The following MICAL2 variants were observed in gnomAD, a reference collection of about 807,000 sequenced individuals.
MICAL2 encodes microtubule associated monooxygenase, calponin and LIM domain containing 2, also known as [F-actin]-monooxygenase MICAL2.
MICAL2 carries 77 observed loss-of-function variants against 127.3 expected under a neutral mutation model. The observed-to-expected ratio is 0.60, with a 90% CI of 0.50 to 0.73. MICAL2 has a LOEUF of 0.73. MICAL2 is among the 30% of genes least tolerant of loss of function. The pLI is 0.00. For missense variants in MICAL2, 1,351 were observed against 1,434.4 expected (o/e 0.94, Z 0.94); for synonymous variants, 570 against 551.1 (o/e 1.03, Z -0.48).
At chr11:12,176,030 G>A (rs1215815061) in intron 3 of MICAL2, among the ~76,000 whole-genome samples, 1 of 152,128 alleles carries the variant, frequency 6.6e-6, no homozygotes, top group African/African-American at 2.4e-5. Flanking sequence ...GAAATCTTGG[G>A]GATGAAAAAC....
At chr11:12,328,536 G>A (rs539382329) in intron 32 of MICAL2, among the ~76,000 whole-genome samples, 2 of 152,272 alleles carry the variant, frequency 1.3e-5, no homozygotes, top group East Asian at 3.9e-4. Context: ...AGCTAGTGAA[G>A]GGTTTTCAGG....
At chr11:12,333,683 G>A (rs1938691153) in intron 32 of MICAL2, among the ~76,000 whole-genome samples, 1 of 152,050 alleles carries the variant, frequency 6.6e-6, no homozygotes, top group African/African-American at 2.4e-5. Context: ...AACAGTGACT[G>A]GATATAAGCT....
intron 1 of MICAL2, among the ~76,000 whole-genome samples, chr11:12,134,333 G>GA (rs1345795177): frequency 6.6e-6 from 1 of 152,168 alleles, no homozygotes; most frequent in African/African-American, 2.4e-5. Flanking sequence ...CAAAGTCAAT[G>GA]AAAATCAGCT....
chr11:12,220,547 G>T (rs1035768159), intron 9 of MICAL2, 89 bp downstream of exon 9: 5 of 1,507,922 alleles, frequency 3.3e-6, no homozygotes, highest in Non-Finnish European at 3.5e-6. Context: ...GTTGTGCAGC[G>T]GGGAGAGGAC....
Position 12,220,201 on chromosome 11 carries a change from G to C in MICAL2, c.949G>C (p.Asp317His). The change falls in exon 9 of 28, where the codon GAC becomes CAC. Residue 317 changes from aspartate to histidine, a missense_variant and splice_region_variant. By Grantham distance (81) the Asp-to-His change is moderately conservative (BLOSUM62 -1). Transcript: ENST00000683283. The part of the protein sequence containing the change: ...SLLDKGVIIN[D>H]YIDTEMLLCA... ...TGCACCATGTTTTCATCTTCCCCAG[G>C]ACTACATCGACACAGAGATGCTGCT... 6.2e-7 allele frequency: 1 copy of C among 1,614,040 alleles called. No homozygotes were observed. Among genetic ancestry groups the C allele is most frequent in the East Asian group, 2.2e-5 (1 of 44,876 alleles).
In MICAL2 at chr11:12,212,638, C is replaced by T. The variant is rs1855628677; in HGVS notation, c.692-617C>T. ...TCATATTGGAGTAAGCTGGGTCCCACCCTACTCCAGTATGACCTCATCTTA... is the reference window on the plus strand; with the variant it reads ...TCATATTGGAGTAAGCTGGGTCCCATCCTACTCCAGTATGACCTCATCTTA... On this transcript the variant is annotated intron_variant, in intron 6 of 27. Transcript: ENST00000683283. 4.6e-5 allele frequency among the ~76,000 whole-genome samples: 7 copies of T among 151,970 alleles called. No individual in the cohort carries two copies. The South Asian group carries it at 1.5e-3, about 32-fold the overall frequency.
downstream of MICAL2, among the ~76,000 whole-genome samples, chr11:12,361,059 T>C (rs1252104872): frequency 6.6e-6 from 1 of 152,078 alleles, no homozygotes; most frequent in Non-Finnish European, 1.5e-5. Context: ...ACACACAGAG[T>C]CTGCAGTGCC....
intron 3 of MICAL2, among the ~76,000 whole-genome samples, chr11:12,183,628 A>G (rs541483957): frequency 4.1e-4 from 62 of 152,300 alleles, no homozygotes; most frequent in African/African-American, 1.5e-3. Flanking sequence ...ACATAGGAGA[A>G]GTAGGTGTGC....
chr11:12,316,369 A>G (rs1234392486), intron 29 of MICAL2, among the ~76,000 whole-genome samples: 1 of 149,896 alleles, frequency 6.7e-6, no homozygotes, highest in Non-Finnish European at 1.5e-5. Context: ...TTTTCAGTGT[A>G]TAGGTCTTTC....
chr11:12,230,170 C>T (rs2134365430), intron 15 of MICAL2, among the ~76,000 whole-genome samples: 1 of 152,304 alleles, frequency 6.6e-6, no homozygotes, highest in African/African-American at 2.4e-5. Context: ...TACCAGATAC[C>T]TTGTTGTATC....
intron 33 of MICAL2, among the ~76,000 whole-genome samples, chr11:12,351,790 C>A (rs553458832): frequency 8.0e-4 from 116 of 145,172 alleles, no homozygotes; most frequent in African/African-American, 2.6e-3. Context: ...TGTATTATAA[C>A]TTTTTTTTTT....
At position 12,256,814 on chromosome 11, in the gene MICAL2, CCTGGGAGG is replaced by C; in HGVS notation, c.2987_2994del (p.Leu996GlnfsTer8). The C allele has an allele frequency of 2.5e-6, 4 of 1,613,678 alleles. No homozygotes were observed. Among genetic ancestry groups the C allele is most frequent in the Non-Finnish European group, 1.7e-6 (2 of 1,179,686 alleles). Reference sequence around the variant, plus strand: ...CTATGCGAAAGTCATTTCCCCTTAACCTGGGAGGCAGCGACACGTGTTACTTCTGTAAG... The same window carrying C: ...CTATGCGAAAGTCATTTCCCCTTAACCAGCGACACGTGTTACTTCTGTAAG... On this transcript the variant is annotated frameshift_variant, in exon 24 of 28. Transcript: ENST00000683283. LOFTEE classifies it high-confidence loss of function.
chr11:12,142,930 C>T (rs185660115), intron 2 of MICAL2, among the ~76,000 whole-genome samples: 6 of 152,326 alleles, frequency 3.9e-5, no homozygotes, highest in South Asian at 2.1e-4. Flanking sequence ...TTGACTGAAG[C>T]GTCAAACATT....
At chr11:12,336,089 G>T (rs1361501448) in intron 32 of MICAL2, among the ~76,000 whole-genome samples, 1 of 152,166 alleles carries the variant, frequency 6.6e-6, no homozygotes, top group Non-Finnish European at 1.5e-5. Context: ...CCATGAGCAT[G>T]GAACGTTCTT....
At chr11:12,130,629 C>T in intron 1 of MICAL2, among the ~76,000 whole-genome samples, 1 of 152,192 alleles carries the variant, frequency 6.6e-6, no homozygotes, top group East Asian at 1.9e-4. Context: ...CAAAGTCCAG[C>T]AAGACAGGGA....
intron 18 of MICAL2, 86 bp from the exon 19 acceptor site, chr11:12,242,128 T>C: frequency 2.6e-6 from 3 of 1,175,284 alleles, no homozygotes; most frequent in Non-Finnish European, 3.5e-6. Flanking sequence ...ACCCTTTGTC[T>C]CTGGTCTTCA....
intron 17 of MICAL2, among the ~76,000 whole-genome samples, chr11:12,240,277 C>T (rs956879866): frequency 1.3e-5 from 2 of 152,190 alleles, no homozygotes; most frequent in African/African-American, 4.8e-5. Context: ...AGGTCTGTGC[C>T]TCGTGGTTCC....
chr11:12,205,680 C>T (rs1348077122), intron 4 of MICAL2, among the ~76,000 whole-genome samples: 1 of 152,186 alleles, frequency 6.6e-6, no homozygotes, highest in Non-Finnish European at 1.5e-5. Flanking sequence ...TCAGTTTTAT[C>T]TCCTGTAAAG....
intron 31 of MICAL2, chr11:12,327,036 G>T: frequency 5.5e-6 from 4 of 730,928 alleles, no homozygotes; most frequent in Non-Finnish European, 9.6e-6. Context: ...GAATTCAGAG[G>T]TCCTTGCCTA....
Sources: gnomAD v4.1 joint callset for allele counts (sites outside exome capture counted in the v4.1 genomes callset) on GRCh38, gnomAD v4.1.1 for gene constraint, MANE v1.5 for transcripts, NCBI Gene and HGNC (gene_info 2026-07-23, HGNC 2026-07-21) for gene names.